The following SPECC1L variants were observed in gnomAD, a reference collection of about 807,000 sequenced individuals.
SPECC1L encodes sperm antigen with calponin homology and coiled-coil domains 1 like.
Under a neutral mutation model 116.8 loss-of-function variants are expected in SPECC1L, and 40 were observed. The observed-to-expected ratio is 0.34, with a 90% CI of 0.27 to 0.45. The LOEUF (loss-of-function observed/expected upper bound fraction) is 0.45. Ranked by LOEUF, SPECC1L falls within the 20% of genes least tolerant of loss-of-function variation. The probability of loss-of-function intolerance (pLI) is 1.00; values close to 1 mark genes in which losing one functional copy is unlikely to be tolerated. For missense variants in SPECC1L, 1,110 were observed against 1,373.6 expected, an observed-to-expected ratio of 0.81 and a Z score of 3.03; for synonymous variants, 504 against 500.6, an observed-to-expected ratio of 1.01 and a Z score of -0.09.
intron 8 of SPECC1L, among the ~76,000 whole-genome samples, chr22:24,331,813 C>T (rs1265341500): frequency 6.6e-6 from 1 of 152,204 alleles, no homozygotes; most frequent in Non-Finnish European, 1.5e-5. Flanking sequence ...TTATACTCTT[C>T]ACCACCACAT....
At chr22:24,370,930 A>G (rs2041859305) in intron 14 of SPECC1L, among the ~76,000 whole-genome samples, 3 of 151,960 alleles carry the variant, frequency 2.0e-5, no homozygotes, top group Admixed American at 1.3e-4. Flanking sequence ...GGGAGGGAAA[A>G]AAGAAAGGGG....
At chr22:24,325,336 T>G (rs1306715452) in intron 6 of SPECC1L, among the ~76,000 whole-genome samples, 4 of 152,166 alleles carry the variant, frequency 2.6e-5, no homozygotes, top group Non-Finnish European at 5.9e-5. Flanking sequence ...GATGGCAGTT[T>G]TGCAAACTAG....
intron 11 of SPECC1L, among the ~76,000 whole-genome samples, chr22:24,359,923 C>T (rs1182514646): frequency 6.6e-6 from 1 of 152,172 alleles, no homozygotes; most frequent in African/African-American, 2.4e-5. Flanking sequence ...CTTGTTTTTT[C>T]TTAGCATCCC....
intron 11 of SPECC1L, among the ~76,000 whole-genome samples, chr22:24,354,700 C>A (rs1412591683): frequency 6.6e-6 from 1 of 150,918 alleles, no homozygotes; most frequent in Non-Finnish European, 1.5e-5. Flanking sequence ...CAGAGTCTCA[C>A]CCTGTCGCTG....
chr22:24,340,372 C>A (rs1347948396), intron 10 of SPECC1L, among the ~76,000 whole-genome samples: 1 of 152,036 alleles, frequency 6.6e-6, no homozygotes, highest in Non-Finnish European at 1.5e-5. Flanking sequence ...GTCTCAAATT[C>A]CTGACCTCAA....
At chr22:24,320,207 C>T (rs557630174) in intron 4 of SPECC1L, among the ~76,000 whole-genome samples, 1 of 152,238 alleles carries the variant, frequency 6.6e-6, no homozygotes, top group East Asian at 1.9e-4. Flanking sequence ...ACCTGGGAGT[C>T]AGAGGTTGCA....
chr22:24,353,776 G>T (rs1308913847), intron 11 of SPECC1L, among the ~76,000 whole-genome samples: 1 of 152,164 alleles, frequency 6.6e-6, no homozygotes, highest in Non-Finnish European at 1.5e-5. Flanking sequence ...TTTATCAGGG[G>T]TACATGAGAT....
intron 9 of SPECC1L, 74 bp from the exon 10 acceptor site, chr22:24,338,312 G>A: frequency 7.0e-7 from 1 of 1,438,624 alleles, no homozygotes; most frequent in South Asian, 1.1e-5. Flanking sequence ...AATCAGGCGA[G>A]TCCTTAAGTG....
intron 2 of SPECC1L, among the ~76,000 whole-genome samples, chr22:24,278,083 A>G (rs2048871853): frequency 6.6e-6 from 1 of 152,166 alleles, no homozygotes; most frequent in African/African-American, 2.4e-5. Flanking sequence ...GGCTGGGCAC[A>G]GTGGCTCACA....
rs572279151 is a variant in SPECC1L at position 24,318,394 on chromosome 22, G to A, written c.308-2894G>A. 3.7e-4 allele frequency among the ~76,000 whole-genome samples: 56 copies of A among 152,052 alleles called. 1 individual carries two copies. The South Asian group carries it at 0.011, about 30-fold the overall frequency. On this transcript the variant is annotated intron_variant, in intron 4 of 16. Transcript: ENST00000314328. ...AAACCAGTCAGGCGTGGCGGCGCGC[G>A]CCTGCAATCGCAGGCACTCGGCAGG...
chr22:24,312,612 C>T (rs766199063), intron 3 of SPECC1L, among the ~76,000 whole-genome samples: 2 of 152,114 alleles, frequency 1.3e-5, no homozygotes, highest in Non-Finnish European at 2.9e-5. Context: ...CGTTTCTTCA[C>T]TACTTTTTAG....
At chr22:24,272,680 A>AC (rs1192137528) in intron 1 of SPECC1L, among the ~76,000 whole-genome samples, 2 of 152,168 alleles carry the variant, frequency 1.3e-5, no homozygotes, top group African/African-American at 4.8e-5. Context: ...AAAAAAAAAA[A>AC]ACAGCTATTA....
At chr22:24,338,538 T>G in intron 10 of SPECC1L, 61 bp downstream of exon 10, 1 of 1,447,970 alleles carries the variant, frequency 6.9e-7, no homozygotes, top group Non-Finnish European at 9.7e-7. Context: ...TGAGGCCTTT[T>G]CTTCACAGTC....
chr22:24,369,468 G>T, intron 14 of SPECC1L, 148 bp downstream of exon 14: 1 of 698,616 alleles, frequency 1.4e-6, no homozygotes, highest in South Asian at 1.6e-5. Flanking sequence ...TTGGGAGGCT[G>T]AGGCAGATGG....
intron 3 of SPECC1L, among the ~76,000 whole-genome samples, chr22:24,313,017 T>G (rs531258104): frequency 2.6e-5 from 4 of 152,218 alleles, no homozygotes; most frequent in Non-Finnish European, 4.4e-5. Context: ...TCCCAAGATA[T>G]CATGTGCTAT....
intron 2 of SPECC1L, among the ~76,000 whole-genome samples, chr22:24,290,090 C>T (rs1390030603): frequency 6.6e-6 from 1 of 152,224 alleles, no homozygotes; most frequent in African/African-American, 2.4e-5. Flanking sequence ...CTCACCATCA[C>T]CTCCTTATCT....
intron 2 of SPECC1L, among the ~76,000 whole-genome samples, chr22:24,301,612 A>G (rs2049379869): frequency 6.6e-6 from 1 of 151,960 alleles, no homozygotes; most frequent in Non-Finnish European, 1.5e-5. Context: ...AGTGAAAAAC[A>G]GAATGGTTGT....
At chr22:24,412,624 G>A in intron 15 of SPECC1L, 24 bp from the exon 16 acceptor site, 1 of 1,613,582 alleles carries the variant, frequency 6.2e-7, no homozygotes, top group Non-Finnish European at 8.5e-7. Flanking sequence ...TTCATGCACT[G>A]CAGTGACACA....
intron 14 of SPECC1L, among the ~76,000 whole-genome samples, chr22:24,395,367 A>G (rs1322763807): frequency 6.6e-6 from 1 of 152,178 alleles, no homozygotes; most frequent in Non-Finnish European, 1.5e-5. Flanking sequence ...GGAAGGTTGC[A>G]TGTGATAGAG....
Sources: allele counts gnomAD v4.1 joint callset (sites outside exome capture counted in the v4.1 genomes callset), GRCh38; gene constraint gnomAD v4.1.1; transcripts MANE v1.5; gene names NCBI Gene and HGNC (gene_info 2026-07-23, HGNC 2026-07-21).